TTC7A: variants seen among roughly 807,000 people sequenced by gnomAD.
The protein encoded by TTC7A is tetratricopeptide repeat domain 7A.
TTC7A carries 110 observed loss-of-function variants against 103.7 expected under a neutral mutation model. That is an observed-to-expected ratio of 1.06 (90% CI 0.91 to 1.24). The LOEUF is 1.24. TTC7A is among the 50% of genes most tolerant of loss of function. The pLI is 0.00. For synonymous variants in TTC7A, 521 were observed against 467.9 expected (o/e 1.11, Z -1.47); for missense variants, 1,340 against 1,116.3 (o/e 1.20, Z -2.86).
rs775933052 is a variant in TTC7A at position 47,024,385 on chromosome 2, C to G, written c.1641+26C>G. Reference sequence around the variant, plus strand: ...GTGGGTTGTCCGTGTTCCTAACCCCCGGGTCCTCGGGGGCTGCTGATCTTC... The same window carrying G: ...GTGGGTTGTCCGTGTTCCTAACCCCGGGGTCCTCGGGGGCTGCTGATCTTC... On this transcript the variant is annotated intron_variant, in intron 14 of 19. Transcript: ENST00000319190. The G allele has an allele frequency of 1.9e-6, 3 of 1,586,014 alleles. No individual in the cohort carries two copies. In the Admixed American group the frequency reaches 5.3e-5, roughly 28 times the overall value.
At chr2:47,020,651 C>T (rs1358627610) in intron 11 of TTC7A, among the ~76,000 whole-genome samples, 1 of 152,262 alleles carries the variant, frequency 6.6e-6, no homozygotes, top group Admixed American at 6.5e-5. Flanking sequence ...CGCCGTCTCC[C>T]TCCAGGCCAT....
At chr2:47,053,163 C>T (rs781739754) in intron 18 of TTC7A, among the ~76,000 whole-genome samples, 5 of 151,948 alleles carry the variant, frequency 3.3e-5, no homozygotes, top group Admixed American at 6.6e-5. Context: ...GGGGTCCCTT[C>T]GGATGCTGGG....
chr2:46,939,833 A>C (rs1670183259), upstream of TTC7A, among the ~76,000 whole-genome samples: 1 of 152,172 alleles, frequency 6.6e-6, no homozygotes, highest in Non-Finnish European at 1.5e-5. Flanking sequence ...TGAGGAGTTG[A>C]CTGGAGTAAG....
At chr2:46,958,479 T>C (rs1363018415) in intron 3 of TTC7A, 2 of 1,303,878 alleles carry the variant, frequency 1.5e-6, no homozygotes, top group Non-Finnish European at 1.0e-6. Context: ...TGTCTCCTGC[T>C]CTCTCCTCTT....
chr2:47,004,907 T>C (rs1048839450), intron 8 of TTC7A, among the ~76,000 whole-genome samples: 2 of 152,016 alleles, frequency 1.3e-5, no homozygotes, highest in African/African-American at 4.8e-5. Flanking sequence ...CCCCAGGGTA[T>C]AGAGGTGGGC....
At chr2:47,035,288 A>G (rs1680982787) in intron 15 of TTC7A, 1 of 152,232 alleles carries the variant, frequency 6.6e-6, no homozygotes, top group South Asian at 2.1e-4. Context: ...TAACACAAAC[A>G]TAGTTTATCA....
chr2:46,921,626 C>CA (rs2103804471), intron 2 of TTC7A, among the ~76,000 whole-genome samples: 1 of 152,134 alleles, frequency 6.6e-6, no homozygotes, highest in African/African-American at 2.4e-5. Context: ...ACTCTATCAA[C>CA]AAAAAAAGGA....
At chr2:46,975,658 C>A (rs868805545) in intron 4 of TTC7A, among the ~76,000 whole-genome samples, 2 of 151,446 alleles carry the variant, frequency 1.3e-5, no homozygotes, top group East Asian at 3.9e-4. Context: ...GTATCCCAGC[C>A]CTCCCCCTTC....
At chr2:46,916,142 A>G (rs551472426), upstream of TTC7A, 2 of 985,352 alleles carry the variant, frequency 2.0e-6, no homozygotes, top group Non-Finnish European at 2.4e-6. Flanking sequence ...GCTGGCTCCC[A>G]ACTCCGCTCA....
intron 8 of TTC7A, among the ~76,000 whole-genome samples, chr2:46,997,085 T>C (rs1329844550): frequency 6.6e-6 from 1 of 152,094 alleles, no homozygotes; most frequent in African/African-American, 2.4e-5. Flanking sequence ...TTAAAGCGAT[T>C]CTTCTGTCTC....
chr2:47,072,568 G>A (rs560718691), intron 19 of TTC7A, among the ~76,000 whole-genome samples: 1 of 152,350 alleles, frequency 6.6e-6, no homozygotes, highest in African/African-American at 2.4e-5. Flanking sequence ...AAATGTTCCA[G>A]CTAAAAATGT....
Position 46,994,524 on chromosome 2 carries a change from G to A in TTC7A, c.1001+10G>A. 1 of 1,613,390 alleles carries A rather than the reference G, an allele frequency of 6.2e-7. No individual in the cohort carries two copies. The highest frequency in any genetic ancestry group is 8.5e-7 in the Non-Finnish European group (1 of 1,179,558). On this transcript the variant is annotated intron_variant, in intron 7 of 19. Coordinates refer to ENST00000319190, the MANE Select transcript of TTC7A (RefSeq NM_020458.4). ...TCTATGAAGGAGACAAGTAAGTTCT[G>A]CCTGCCCTGCTGCACCTTGCCAGTC...
chr2:46,976,676 C>T (rs1043139469), intron 4 of TTC7A, among the ~76,000 whole-genome samples: 6 of 152,146 alleles, frequency 3.9e-5, no homozygotes, highest in Admixed American at 2.6e-4. Flanking sequence ...TTGGTGAGGG[C>T]GGGGGGCTGC....
At chr2:46,994,162 G>A in intron 6 of TTC7A, 195 bp from the exon 7 acceptor site, 1 of 619,662 alleles carries the variant, frequency 1.6e-6, no homozygotes, top group South Asian at 2.1e-5. Context: ...GAGGCCAGCA[G>A]AGGGGTGGGA....
intron 16 of TTC7A, among the ~76,000 whole-genome samples, chr2:47,047,959 C>T (rs1682497140): frequency 1.3e-5 from 2 of 152,188 alleles, no homozygotes; most frequent in African/African-American, 4.8e-5. Flanking sequence ...CCCTGCCCTA[C>T]ACTGAGGGTA....
chr2:47,022,672 G>A (rs542447148), intron 12 of TTC7A, among the ~76,000 whole-genome samples: 1 of 152,246 alleles, frequency 6.6e-6, no homozygotes, highest in South Asian at 2.1e-4. Context: ...GCCAGTTGCT[G>A]GGAGCGGCAG....
At chr2:47,044,143 C>G (rs1682058070) in intron 15 of TTC7A, among the ~76,000 whole-genome samples, 1 of 152,214 alleles carries the variant, frequency 6.6e-6, no homozygotes, top group Non-Finnish European at 1.5e-5. Flanking sequence ...CCACCCTCCA[C>G]ACCGGAGCCT....
chr2:46,915,979 A>C (rs975262910), upstream of TTC7A: 1 of 985,120 alleles, frequency 1.0e-6, no homozygotes. Flanking sequence ...CAGTTCTTCT[A>C]CCTGCTTTCC....
intron 3 of TTC7A, chr2:46,958,361 G>T: frequency 1.7e-6 from 1 of 594,306 alleles, no homozygotes; most frequent in Non-Finnish European, 2.9e-6. Flanking sequence ...TGGGTCTTTC[G>T]GGTCTCTTAG....
Sources: gnomAD v4.1 joint callset for allele counts (sites outside exome capture counted in the v4.1 genomes callset) on GRCh38, gnomAD v4.1.1 for gene constraint, MANE v1.5 for transcripts, NCBI Gene and HGNC (gene_info 2026-07-23, HGNC 2026-07-21) for gene names.